The following RABGAP1L variants were observed in gnomAD, a reference collection of about 807,000 sequenced individuals.
The protein encoded by RABGAP1L is RAB GTPase activating protein 1 like, also known as rab GTPase-activating protein 1-like.
Under a neutral mutation model 137.7 loss-of-function variants are expected in RABGAP1L, and 63 were observed. That is an observed-to-expected ratio of 0.46 (90% CI 0.37 to 0.56). The LOEUF is 0.56. Ranked by LOEUF, RABGAP1L falls within the 20% of genes least tolerant of loss-of-function variation. The pLI is 0.00. For missense variants in RABGAP1L, 1,095 were observed against 1,244.0 expected (o/e 0.88, Z 1.80); for synonymous variants, 431 against 433.7 (o/e 0.99, Z 0.08).
At chr1:174,342,443 T>C (rs928785490) in intron 11 of RABGAP1L, among the ~76,000 whole-genome samples, 4 of 152,208 alleles carry the variant, frequency 2.6e-5, no homozygotes, top group Non-Finnish European at 5.9e-5. Flanking sequence ...AATCTTAGTT[T>C]TTGACTGAGA....
At chr1:174,254,083 C>T (rs1672925124) in intron 7 of RABGAP1L, among the ~76,000 whole-genome samples, 1 of 151,812 alleles carries the variant, frequency 6.6e-6, no homozygotes, top group Non-Finnish European at 1.5e-5. Context: ...GTATCTGGCC[C>T]CCAGTTATCT....
chr1:174,937,804 C>A (rs1665147485), intron 19 of RABGAP1L, among the ~76,000 whole-genome samples: 2 of 149,230 alleles, frequency 1.3e-5, no homozygotes, highest in Admixed American at 1.3e-4. Flanking sequence ...TCAAGTGATT[C>A]TCCTGCCTCA....
intron 13 of RABGAP1L, among the ~76,000 whole-genome samples, chr1:174,487,194 G>A (rs987929209): frequency 2.6e-5 from 4 of 152,142 alleles, no homozygotes; most frequent in African/African-American, 9.7e-5. Context: ...CTGTCTGGAA[G>A]ATCTGTGTAA....
intron 13 of RABGAP1L, among the ~76,000 whole-genome samples, chr1:174,463,632 G>C (rs1472657422): frequency 6.6e-6 from 1 of 151,890 alleles, no homozygotes; most frequent in African/African-American, 2.4e-5. Context: ...TGTACATTGT[G>C]CACATGTACC....
chr1:174,636,072 A>ATAAG (rs1247236190), intron 13 of RABGAP1L, among the ~76,000 whole-genome samples: 1 of 152,200 alleles, frequency 6.6e-6, no homozygotes, highest in African/African-American at 2.4e-5. Context: ...CAGTGTTGCT[A>ATAAG]TAAGTAGCCC....
rs1489692072 is a variant in RABGAP1L at position 174,611,488 on chromosome 1, A to G, written c.1711-25887A>G. 8.9e-4 allele frequency among the ~76,000 whole-genome samples: 133 copies of G among 149,612 alleles called. 1 individual carries two copies. The highest frequency in any genetic ancestry group is 2.7e-3 in the African/African-American group (107 of 40,296). ...GTAGTATAGTTTGAAGTCAGGTAGCATGATGCCTCCAGCTTTGTTCTTTTG... is the reference window on the plus strand; with the variant it reads ...GTAGTATAGTTTGAAGTCAGGTAGCGTGATGCCTCCAGCTTTGTTCTTTTG... On this transcript the variant is annotated intron_variant, in intron 13 of 25. Coordinates refer to ENST00000681986, the MANE Select transcript of RABGAP1L (RefSeq NM_001366446.1).
chr1:174,348,351 TAACA>T (rs1367954006), intron 11 of RABGAP1L, among the ~76,000 whole-genome samples: 2 of 150,052 alleles, frequency 1.3e-5, no homozygotes, highest in South Asian at 2.1e-4. Context: ...ACCAACCTAG[TAACA>T]AACAAGCAAA....
At chr1:174,553,682 A>G (rs1292783415) in intron 13 of RABGAP1L, among the ~76,000 whole-genome samples, 3 of 152,244 alleles carry the variant, frequency 2.0e-5, no homozygotes, top group Non-Finnish European at 4.4e-5. Flanking sequence ...AGTAAGAATC[A>G]TAATGCAGAA....
intron 11 of RABGAP1L, among the ~76,000 whole-genome samples, chr1:174,327,359 T>A (rs559934399): frequency 6.6e-6 from 1 of 152,162 alleles, no homozygotes; most frequent in East Asian, 1.9e-4. Context: ...AAGATGTAAA[T>A]TATGATATCA....
rs556807451 is a variant in RABGAP1L, at chr1:174,689,497, A to T, written c.1899+5901A>T. ...CAGAGTTCATATTTTGTCATCAAGAATCTGTATCTCTGCTTTTCTTGAATT... is the reference window on the plus strand; with the variant it reads ...CAGAGTTCATATTTTGTCATCAAGATTCTGTATCTCTGCTTTTCTTGAATT... On this transcript the variant is annotated intron_variant, in intron 15 of 25. Coordinates refer to ENST00000681986, the MANE Select transcript of RABGAP1L (RefSeq NM_001366446.1). Among the ~76,000 whole-genome samples, 13 of 152,210 alleles carry T rather than the reference A, an allele frequency of 8.5e-5. No individual in the cohort carries two copies. The South Asian group carries it at 1.5e-3, about 17-fold the overall frequency.
intron 1 of RABGAP1L, among the ~76,000 whole-genome samples, chr1:174,180,317 C>G (rs1364626600): frequency 6.6e-6 from 1 of 152,202 alleles, no homozygotes; most frequent in Non-Finnish European, 1.5e-5. Flanking sequence ...TCTTAGCACT[C>G]TTTACTGCCG....
At chr1:174,189,662 T>G (rs1667068047) in intron 1 of RABGAP1L, among the ~76,000 whole-genome samples, 1 of 152,174 alleles carries the variant, frequency 6.6e-6, no homozygotes, top group African/African-American at 2.4e-5. Flanking sequence ...TGAGACTGAC[T>G]CATTGCTTTT....
At chr1:174,564,815 A>C (rs1667460635) in intron 13 of RABGAP1L, among the ~76,000 whole-genome samples, 1 of 152,168 alleles carries the variant, frequency 6.6e-6, no homozygotes, top group African/African-American at 2.4e-5. Context: ...TCTAGATCCT[A>C]TGGATAGGAA....
intron 19 of RABGAP1L, among the ~76,000 whole-genome samples, chr1:174,820,115 GAGTTCAT>G (rs1314803164): frequency 6.6e-6 from 1 of 152,194 alleles, no homozygotes; most frequent in Non-Finnish European, 1.5e-5. Context: ...TGTAGACTAT[GAGTTCAT>G]AGTGGCAAAA....
At chr1:174,455,306 C>A (rs1259552299) in intron 13 of RABGAP1L, among the ~76,000 whole-genome samples, 1 of 151,930 alleles carries the variant, frequency 6.6e-6, no homozygotes, top group Non-Finnish European at 1.5e-5. Flanking sequence ...AAAAGAAATA[C>A]CTATCATTGA....
At chr1:174,481,889 A>T (rs1344347346) in intron 13 of RABGAP1L, among the ~76,000 whole-genome samples, 51 of 148,742 alleles carry the variant, frequency 3.4e-4, no homozygotes, top group African/African-American at 1.2e-3. Flanking sequence ...AATAAAAAAA[A>T]AAAGAAAAAA....
chr1:174,969,005 A>G (rs1669905287), intron 20 of RABGAP1L, among the ~76,000 whole-genome samples: 2 of 152,282 alleles, frequency 1.3e-5, no homozygotes, highest in South Asian at 4.1e-4. Flanking sequence ...GGATATGCTC[A>G]GAAAGTTTGT....
chr1:174,165,390 T>C lies in RABGAP1L; in HGVS notation c.-34+5733T>C, dbSNP rs375844175. ...GTTTTGAACTTCTGACCTCAGGTGA[T>C]CCATCCGCCTCAGCCTCCCAAAGTG... On this transcript the variant is annotated intron_variant, in intron 1 of 25. Coordinates refer to ENST00000681986, the MANE Select transcript of RABGAP1L (RefSeq NM_001366446.1). Among the ~76,000 whole-genome samples, 60 of 152,308 alleles carry C rather than the reference T, an allele frequency of 3.9e-4. 2 individuals carry two copies. In the South Asian group the frequency reaches 0.012, roughly 29 times the overall value.
At chr1:174,508,433 C>T (rs553917557) in intron 13 of RABGAP1L, among the ~76,000 whole-genome samples, 51 of 152,170 alleles carry the variant, frequency 3.4e-4, no homozygotes, top group African/African-American at 1.1e-3. Flanking sequence ...GGATTATTTT[C>T]TTATTTATCA....
Sources: allele counts gnomAD v4.1 joint callset (sites outside exome capture counted in the v4.1 genomes callset), GRCh38; gene constraint gnomAD v4.1.1; transcripts MANE v1.5; gene names NCBI Gene and HGNC (gene_info 2026-07-23, HGNC 2026-07-21).